BIRC6: variants seen among roughly 807,000 people sequenced by gnomAD.
The protein encoded by BIRC6 is baculoviral IAP repeat containing 6.
In BIRC6, 98 loss-of-function variants were observed where a neutral mutation model predicts 503.3. That is an observed-to-expected ratio of 0.19 (90% confidence interval 0.17 to 0.23). BIRC6 has a LOEUF of 0.23. Ranked by LOEUF, BIRC6 falls within the 10% of genes least tolerant of loss-of-function variation. The probability of loss-of-function intolerance (pLI) is 1.00; values close to 1 mark genes in which losing one functional copy is unlikely to be tolerated. For missense variants in BIRC6, 5,360 were observed against 5,806.0 expected (o/e 0.92, Z 2.50); for synonymous variants, 2,240 against 2,078.7 (o/e 1.08, Z -2.11).
chr2:32,502,970 G>C, intron 48 of BIRC6, 72 bp from the exon 49 acceptor site: 1 of 1,516,080 alleles, frequency 6.6e-7, no homozygotes, highest in Non-Finnish European at 9.0e-7. Flanking sequence ...GTAGTCTTTT[G>C]TGGAAGTTTA....
At chr2:32,465,765 A>G (rs75991374) in intron 26 of BIRC6, among the ~76,000 whole-genome samples, 2,509 of 152,328 alleles carry the variant, frequency 0.016, 51 homozygotes, top group African/African-American at 0.058. Flanking sequence ...ATTCAACAAA[A>G]TCCTCAGGGA....
In BIRC6 at chr2:32,469,431, A is replaced by G; in HGVS notation, c.6164A>G (p.His2055Arg). Residue 2055 changes from histidine (H) to arginine (R), a missense_variant, in exon 30 of 74, where the codon CAT (histidine) becomes CGT (arginine). By Grantham distance (29) the His-to-Arg change is conservative. This residue lies in a region of BIRC6 where 2,299 missense variants were observed against 2,267.2 expected (regional missense o/e 1.01). Coordinates refer to ENST00000421745, the MANE Select transcript of BIRC6 (RefSeq NM_016252.4). Reference protein sequence around the residue: ...SVPAVLQSTFHAQACEELFKH... With the variant: ...SVPAVLQSTFRAQACEELFKH... ...CCTGCAGTTTTGCAGAGCACATTTC[A>G]TGCCCAGGCCTGTGAAGAGCTCTTT... The G allele has an allele frequency of 6.2e-7, 1 of 1,613,868 alleles. No homozygotes were observed. Among genetic ancestry groups the G allele is most frequent in the Non-Finnish European group, 8.5e-7 (1 of 1,179,804 alleles).
intron 59 of BIRC6, chr2:32,527,372 T>G (rs1485820616): frequency 1.3e-5 from 2 of 152,210 alleles, no homozygotes; most frequent in African/African-American, 2.4e-5. Flanking sequence ...CCATGTACTT[T>G]CCCTCAGATG....
chr2:32,589,296 A>T (rs911679644), intron 66 of BIRC6, among the ~76,000 whole-genome samples: 2 of 152,160 alleles, frequency 1.3e-5, no homozygotes, highest in African/African-American at 4.8e-5. Flanking sequence ...AGCTATCTCA[A>T]AGTTTCTTCC....
chr2:32,392,318 A>G (rs562024774), intron 5 of BIRC6, among the ~76,000 whole-genome samples, 168 bp downstream of exon 5: 6 of 152,280 alleles, frequency 3.9e-5, no homozygotes, highest in South Asian at 2.1e-4. Flanking sequence ...CAGCGCCACA[A>G]TGTTGGCTCA....
intron 68 of BIRC6, 25 bp from the exon 69 acceptor site, chr2:32,597,726 G>A (rs2061768351): frequency 2.5e-6 from 4 of 1,571,776 alleles, no homozygotes; most frequent in Non-Finnish European, 3.5e-6. Context: ...GCAGTTCTGG[G>A]TTTTATTTTT....
intron 4 of BIRC6, among the ~76,000 whole-genome samples, chr2:32,389,822 G>C (rs1236924614): frequency 2.0e-5 from 3 of 148,764 alleles, no homozygotes; most frequent in South Asian, 4.3e-4. Context: ...TCAGCCTCCT[G>C]AGTAGCTGGA....
intron 10 of BIRC6, 23 bp downstream of exon 10, chr2:32,416,186 A>G (rs951344729): frequency 3.3e-6 from 5 of 1,535,760 alleles, no homozygotes; most frequent in Non-Finnish European, 4.4e-6. Flanking sequence ...ATTATGCTAT[A>G]AATCTTATAA....
rs1295337788 is a variant in BIRC6, at chr2:32,535,757, A to G, written c.12291+4206A>G. Reference sequence around the variant, plus strand: ...TCTTTGCTATTGTGAATAGTGCTGCAATAAACATACGTGTGCATGTGTCTT... The same window carrying G: ...TCTTTGCTATTGTGAATAGTGCTGCGATAAACATACGTGTGCATGTGTCTT... On this transcript the variant is annotated intron_variant, in intron 61 of 73. Transcript: ENST00000421745. Among the ~76,000 whole-genome samples, 14 of 152,356 alleles carry G rather than the reference A, an allele frequency of 9.2e-5. No homozygotes were observed. The South Asian group carries it at 2.9e-3, about 32-fold the overall frequency.
intron 60 of BIRC6, among the ~76,000 whole-genome samples, chr2:32,530,973 T>C (rs965308978): frequency 6.6e-6 from 1 of 152,238 alleles, no homozygotes; most frequent in African/African-American, 2.4e-5. Context: ...ATGAGAACTT[T>C]GAGAACTTAT....
At chr2:32,426,252 T>G (rs1033739133) in intron 10 of BIRC6, among the ~76,000 whole-genome samples, 4 of 152,244 alleles carry the variant, frequency 2.6e-5, no homozygotes, top group Admixed American at 6.5e-5. Context: ...GTAAAATATG[T>G]AGGAACTTTG....
At chr2:32,447,423 G>T (rs1228074585) in intron 21 of BIRC6, among the ~76,000 whole-genome samples, 2 of 148,602 alleles carry the variant, frequency 1.3e-5, no homozygotes, top group Admixed American at 6.7e-5. Flanking sequence ...GGCTGGCCGG[G>T]CGGGGGGCTG....
chr2:32,614,365 CACTTACACAAA>C (rs1205337296), intron 73 of BIRC6, among the ~76,000 whole-genome samples: 1 of 152,194 alleles, frequency 6.6e-6, no homozygotes. Flanking sequence ...ATATGTTTTT[CACTTACACAAA>C]ACTGGCTCAA....
chr2:32,615,928 C>T (rs775549040), intron 73 of BIRC6, among the ~76,000 whole-genome samples: 11 of 152,088 alleles, frequency 7.2e-5, no homozygotes, highest in East Asian at 1.9e-4. Context: ...GCATCAGACC[C>T]GGCCGACACA....
At chr2:32,556,125 G>T (rs764085769) in intron 65 of BIRC6, among the ~76,000 whole-genome samples, 4 of 152,056 alleles carry the variant, frequency 2.6e-5, no homozygotes, top group Non-Finnish European at 5.9e-5. Context: ...TATCTATAAC[G>T]TAAGTGCTTA....
intron 9 of BIRC6, among the ~76,000 whole-genome samples, chr2:32,411,415 AT>A (rs2041862035): frequency 6.9e-6 from 1 of 143,970 alleles, no homozygotes; most frequent in Non-Finnish European, 1.5e-5. Context: ...ATATATATAT[AT>A]ATTTTATTTT....
At chr2:32,534,320 G>A (rs555406562) in intron 61 of BIRC6, among the ~76,000 whole-genome samples, 334 of 146,698 alleles carry the variant, frequency 2.3e-3, no homozygotes, top group African/African-American at 7.8e-3. Flanking sequence ...GTTGCAGTGA[G>A]CCGAGATGGC....
chr2:32,400,051 C>T (rs996086529), intron 6 of BIRC6, among the ~76,000 whole-genome samples: 1 of 152,068 alleles, frequency 6.6e-6, no homozygotes, highest in African/African-American at 2.4e-5. Context: ...ACCTTGGCCC[C>T]CCGAAGTGCT....
At chr2:32,559,699 T>C (rs6747560) in intron 65 of BIRC6, among the ~76,000 whole-genome samples, 1 of 149,524 alleles carries the variant, frequency 6.7e-6, no homozygotes, top group East Asian at 2.0e-4. Context: ...TCCTCTTGGT[T>C]GGGGGGGTCT....
Sources: gnomAD v4.1 joint callset for allele counts (sites outside exome capture counted in the v4.1 genomes callset) on GRCh38, gnomAD v4.1.1 for gene constraint, gnomAD v4.1.1 regional missense constraint, MANE v1.5 for transcripts, NCBI Gene and HGNC (gene_info 2026-07-23, HGNC 2026-07-21) for gene names.